The following ZNF83 variants were observed in gnomAD, a reference collection of about 807,000 sequenced individuals.
The protein encoded by ZNF83 is zinc finger protein 83.
For missense variants in ZNF83, 552 were observed against 629.9 expected (o/e 0.88, Z 1.32); for synonymous variants, 209 against 213.0 (o/e 0.98, Z 0.17).
At chr19:52,642,136 AG>A (rs1026542934), upstream of ZNF83, among the ~76,000 whole-genome samples, 2 of 152,052 alleles carry the variant, frequency 1.3e-5, no homozygotes, top group African/African-American at 4.8e-5. Flanking sequence ...AGGTGTACAG[AG>A]GGACGGGTTC....
chr19:52,659,567 T>G (rs1394129438), intron 2 of ZNF83, among the ~76,000 whole-genome samples: 2 of 148,114 alleles, frequency 1.4e-5, no homozygotes, highest in African/African-American at 5.0e-5. Flanking sequence ...CCACAGCTAA[T>G]GCTCTCTTGT....
chr19:52,672,430 A>G (rs948525250), intron 1 of ZNF83, among the ~76,000 whole-genome samples: 2 of 152,142 alleles, frequency 1.3e-5, no homozygotes, highest in Non-Finnish European at 2.9e-5. Flanking sequence ...AAATTAGCAT[A>G]TCTAGAATAT....
intron 3 of ZNF83, among the ~76,000 whole-genome samples, chr19:52,649,172 C>T (rs546861260): frequency 7.2e-5 from 11 of 152,242 alleles, no homozygotes; most frequent in South Asian, 6.2e-4. Flanking sequence ...ACCTGGCTTT[C>T]GCAGCACCCC....
intron 2 of ZNF83, among the ~76,000 whole-genome samples, chr19:52,660,035 C>CA (rs1568569468): frequency 6.6e-6 from 1 of 151,882 alleles, no homozygotes; most frequent in Non-Finnish European, 1.5e-5. Context: ...ACTAAAAATA[C>CA]AAAAAATTAG....
In ZNF83 at chr19:52,637,521, GCTTT is replaced by G. The variant is rs773561315; in HGVS notation, c.-322+787_-322+790del. Among the ~76,000 whole-genome samples, 18 of 151,964 alleles carry G rather than the reference GCTTT, an allele frequency of 1.2e-4. No homozygotes were observed. In the South Asian group the frequency reaches 1.2e-3, roughly 11 times the overall value. On this transcript the variant is annotated intron_variant, in intron 1 of 2. Transcript: ENST00000301096. ...TTTCTCCAGTTACTTTTCTCCTCCTGCTTTCTTTTTTTTTCTTTTCACTTTTGCT... is the reference window on the plus strand; with the variant it reads ...TTTCTCCAGTTACTTTTCTCCTCCTGCTTTTTTTTTCTTTTCACTTTTGCT...
At chr19:52,680,604 ATATT>A (rs1455070447) in intron 1 of ZNF83, among the ~76,000 whole-genome samples, 5 of 89,930 alleles carry the variant, frequency 5.6e-5, no homozygotes, top group African/African-American at 1.0e-4. Flanking sequence ...TTTCCACAAA[ATATT>A]TTTTTTTTTT....
At chr19:52,624,594 A>G (rs1027087882) in intron 2 of ZNF83, among the ~76,000 whole-genome samples, 1 of 152,108 alleles carries the variant, frequency 6.6e-6, no homozygotes, top group African/African-American at 2.4e-5. Context: ...CTGCTCCCAC[A>G]CTAGCTCTCC....
chr19:52,615,311 A>C (rs1212656741), intron 2 of ZNF83, among the ~76,000 whole-genome samples: 2 of 147,684 alleles, frequency 1.4e-5, no homozygotes, highest in African/African-American at 2.5e-5. Context: ...TGTTATTGCA[A>C]GTGGGGACAT....
At chr19:52,637,858 G>A (rs1431683996) in intron 1 of ZNF83, among the ~76,000 whole-genome samples, 1 of 152,048 alleles carries the variant, frequency 6.6e-6, no homozygotes, top group African/African-American at 2.4e-5. Flanking sequence ...GAGGAGGGAG[G>A]TGGGGGGGAG....
At chr19:52,673,189 A>T (rs1004800645) in intron 1 of ZNF83, among the ~76,000 whole-genome samples, 1 of 152,172 alleles carries the variant, frequency 6.6e-6, no homozygotes, top group South Asian at 2.1e-4. Flanking sequence ...AGACTGTGCG[A>T]AAGAGCTGGA....
At chr19:52,685,608 T>A (rs1304951215) in intron 1 of ZNF83, among the ~76,000 whole-genome samples, 1 of 151,932 alleles carries the variant, frequency 6.6e-6, no homozygotes. Flanking sequence ...ATCAAGAATA[T>A]ATGGGTGGTC....
At chr19:52,646,137 A>G (rs1300026325) in intron 3 of ZNF83, among the ~76,000 whole-genome samples, 2 of 152,046 alleles carry the variant, frequency 1.3e-5, no homozygotes, top group Admixed American at 6.6e-5. Context: ...ACCAGGTTGC[A>G]CCATGTTGGC....
At chr19:52,670,083 A>T (rs976813683) in intron 1 of ZNF83, among the ~76,000 whole-genome samples, 2 of 151,952 alleles carry the variant, frequency 1.3e-5, no homozygotes, top group Non-Finnish European at 2.9e-5. Flanking sequence ...ACCTTTTTCG[A>T]TCACCTGCTC....
At chr19:52,661,973 C>T (rs1411812647) in intron 1 of ZNF83, among the ~76,000 whole-genome samples, 1 of 151,992 alleles carries the variant, frequency 6.6e-6, no homozygotes. Context: ...AACCTCAGCC[C>T]CAGAAAAAGG....
upstream of ZNF83, among the ~76,000 whole-genome samples, chr19:52,642,887 T>C (rs1393812587): frequency 1.3e-5 from 2 of 151,906 alleles, no homozygotes; most frequent in Non-Finnish European, 2.9e-5. Flanking sequence ...CCGGGCACCA[T>C]GGCTCATGCC....
chr19:52,688,296 G>C (rs2062081731), intron 1 of ZNF83, among the ~76,000 whole-genome samples: 1 of 151,630 alleles, frequency 6.6e-6, no homozygotes, highest in South Asian at 2.1e-4. Context: ...TTGGCCTCCA[G>C]AGTAGCTGGG....
chr19:52,618,466 G>T, intron 2 of ZNF83: 1 of 159,370 alleles, frequency 6.3e-6, no homozygotes, highest in South Asian at 1.8e-4. Flanking sequence ...GTTTCACTGT[G>T]TTCACCAGGA....
intron 3 of ZNF83, chr19:52,652,350 G>A (rs779893359): frequency 2.3e-5 from 7 of 298,992 alleles, no homozygotes; most frequent in Non-Finnish European, 3.9e-5. Context: ...AAGGAGAATC[G>A]TATGAACCTG....
chr19:52,637,526 CTT>C (rs1018010412), intron 1 of ZNF83, among the ~76,000 whole-genome samples: 1 of 151,694 alleles, frequency 6.6e-6, no homozygotes, highest in Admixed American at 6.6e-5. Flanking sequence ...CTCCTGCTTT[CTT>C]TTTTTTTCTT....
Sources: allele counts gnomAD v4.1 joint callset (sites outside exome capture counted in the v4.1 genomes callset), GRCh38; gene constraint gnomAD v4.1.1; transcripts MANE v1.5; gene names NCBI Gene and HGNC (gene_info 2026-07-23, HGNC 2026-07-21).